Variants in ZFP37 observed in about 807,000 individuals in gnomAD.
ZFP37 encodes the protein ZFP37 zinc finger protein, also known as zinc finger protein 37 homolog.
A neutral mutation model predicts 52.1 loss-of-function variants in ZFP37; 38 were observed. The observed-to-expected ratio is 0.73, with a 90% CI of 0.56 to 0.96. ZFP37 has a LOEUF of 0.96. ZFP37 is among the 40% of genes least tolerant of loss of function. The pLI is 0.00. For synonymous variants in ZFP37, 253 were observed against 259.5 expected (o/e 0.98, Z 0.24); for missense variants, 695 against 741.4 (o/e 0.94, Z 0.73).
chr9:113,053,904 A>G lies in ZFP37; in HGVS notation c.132+2653T>C, dbSNP rs560694966. 2.1e-3 allele frequency among the ~76,000 whole-genome samples: 312 copies of G among 152,152 alleles called. 2 individuals carry two copies. Among genetic ancestry groups the G allele is most frequent in the African/African-American group, 6.8e-3 (284 of 41,524 alleles). On this transcript the variant is annotated intron_variant, in intron 1 of 3. Coordinates refer to ENST00000374227, the MANE Select transcript of ZFP37 (RefSeq NM_003408.3). ...TTTGTAACATCTGTGTCTCCCTTTT[A>G]TTTGGGTCATTCCCATTGACACACA...
intron 3 of ZFP37, among the ~76,000 whole-genome samples, chr9:113,047,884 T>TAA (rs990010493): frequency 6.6e-6 from 1 of 152,186 alleles, no homozygotes; most frequent in African/African-American, 2.4e-5. Flanking sequence ...AATATGAGTA[T>TAA]AAGACAAAGG....
At chr9:113,048,620 G>A (rs1375395742) in intron 3 of ZFP37, among the ~76,000 whole-genome samples, 1 of 152,132 alleles carries the variant, frequency 6.6e-6, no homozygotes, top group Non-Finnish European at 1.5e-5. Flanking sequence ...CTGGTACCAA[G>A]TTTCAGAGCC....
In ZFP37 at chr9:113,049,479, G is replaced by C. The variant is rs1462835465; in HGVS notation, c.232C>G (p.Pro78Ala). Residue 78 changes from proline to alanine, a missense_variant, in exon 3 of 4, where the codon CCA (proline) becomes GCA (alanine). Around this residue, in one of 2 missense-constraint regions of ZFP37, gnomAD observed 369 missense variants for 340.9 expected, o/e 1.08. Coordinates refer to ENST00000374227, the MANE Select transcript of ZFP37 (RefSeq NM_003408.3). Reference protein sequence around the residue: ...QASMGCQAPKPDMISKLEKGE... With the variant: ...QASMGCQAPKADMISKLEKGE... ...TTTTCCAACTTGGAGATCATGTCTG[G>C]TTTGGGAGCTTGACACCCTGCTCAT... 1.2e-6 allele frequency: 2 copies of C among 1,613,438 alleles called. No individual in the cohort carries two copies. The highest frequency in any genetic ancestry group is 1.7e-6 in the Non-Finnish European group (2 of 1,179,650).
chr9:113,056,093 G>T (rs1829138311), intron 1 of ZFP37, among the ~76,000 whole-genome samples: 1 of 148,184 alleles, frequency 6.7e-6, no homozygotes, highest in South Asian at 2.1e-4. Context: ...AGACATCACC[G>T]TCACTGACTC....
rs918202203 is a variant in ZFP37 at position 113,039,020 on chromosome 9, T to C, written c.*3705A>G. ...AAAGAATTATTTGTATCTTCTTAAA[T>C]ATAGTTTGAAATTGTGGTTTTTAAT... On this transcript the variant is annotated 3_prime_UTR_variant, in exon 4 of 4. Transcript: ENST00000374227. 4 of 152,184 alleles carry C rather than the reference T, an allele frequency of 2.6e-5. No homozygotes were observed. The highest frequency in any genetic ancestry group is 2.9e-5 in the Non-Finnish European group (2 of 68,028). The allele number at this position is 152,184 out of a possible 1,614,324, so 9.4% of individuals were successfully genotyped here. A position where few individuals can be genotyped will look rare whatever the true frequency, so the allele number is the denominator to read the frequency against.
Position 113,043,291 on chromosome 9 carries a change from T to C in ZFP37, c.1327A>G (p.Lys443Glu), listed in dbSNP as rs1385236023. 7 of 1,613,876 alleles carry C rather than the reference T, an allele frequency of 4.3e-6. No homozygotes were observed. Among genetic ancestry groups the C allele is most frequent in the Non-Finnish European group, 5.9e-6 (7 of 1,179,966 alleles). Residue 443 changes from lysine to glutamate, a missense_variant, in exon 4 of 4, where the codon AAG becomes GAG. Lys to Glu is a moderately conservative substitution (Grantham distance 56). Coordinates refer to ENST00000374227, the MANE Select transcript of ZFP37 (RefSeq NM_003408.3). ...TGTTTAGTAAGGGATGAGCTATACT[T>C]AAAGGCTTTTCCACATTCATTGCAT... ...YECNECGKAF[K>E]YSSSLTKHMR... is the part of the protein sequence containing the mutation.
intron 1 of ZFP37, among the ~76,000 whole-genome samples, chr9:113,054,382 T>C (rs1414834570): frequency 6.6e-6 from 1 of 152,194 alleles, no homozygotes; most frequent in Non-Finnish European, 1.5e-5. Flanking sequence ...TCCCTGGCTC[T>C]CTTCTCTTCC....
At position 113,044,028 on chromosome 9, in the gene ZFP37, C is replaced by CA. The variant is rs768029393; in HGVS notation, c.589dup (p.Cys197LeufsTer7). The CA allele has an allele frequency of 1.4e-5, 22 of 1,613,928 alleles. No homozygotes were observed. The highest frequency in any genetic ancestry group is 1.8e-5 in the Non-Finnish European group (21 of 1,179,938). ...AGCTGCATCAGATTTCCTTTTTACACAGTTTCTTGAGTGATCAGGTAAATC... is the reference window on the plus strand; with the variant it reads ...AGCTGCATCAGATTTCCTTTTTACACAAGTTTCTTGAGTGATCAGGTAAATC... On this transcript the variant is annotated frameshift_variant, in exon 4 of 4. Coordinates refer to ENST00000374227, the MANE Select transcript of ZFP37 (RefSeq NM_003408.3). LOFTEE classifies it high-confidence loss of function.
In ZFP37 at chr9:113,039,942, T is replaced by C. The variant is rs1206780798; in HGVS notation, c.*2783A>G. The C allele has an allele frequency of 6.6e-6, 1 of 152,210 alleles. No individual in the cohort carries two copies. The highest frequency in any genetic ancestry group is 1.5e-5 in the Non-Finnish European group (1 of 68,038). The allele number at this position is 152,210 out of a possible 1,614,324, so 9.4% of individuals were successfully genotyped here. On this transcript the variant is annotated 3_prime_UTR_variant, in exon 4 of 4. Transcript: ENST00000374227. ...TGGAAACTTATTAAAATGCAAATTC[T>C]CAAGGCCCACCCACAGGGTTTCTGA...
At position 113,052,786 on chromosome 9, in the gene ZFP37, G is replaced by A. The variant is rs573193793; in HGVS notation, c.133-2914C>T. Among the ~76,000 whole-genome samples the A allele has an allele frequency of 1.5e-4, 23 of 152,242 alleles. No individual in the cohort carries two copies. The South Asian group carries it at 1.9e-3, about 12-fold the overall frequency. ...CACACTGTGTATTCTTTAAGCACTC[G>A]GAACTACTCTTAATCAGTTCCAGGA... On this transcript the variant is annotated intron_variant, in intron 1 of 3. Coordinates refer to ENST00000374227, the MANE Select transcript of ZFP37 (RefSeq NM_003408.3). The surrounding 1 kb of genome is among the most constrained non-coding windows in gnomAD (Gnocchi z 4.1).
In ZFP37 at chr9:113,052,269, C is replaced by T. The variant is rs922838626; in HGVS notation, c.133-2397G>A. On this transcript the variant is annotated intron_variant, in intron 1 of 3. Coordinates refer to ENST00000374227, the MANE Select transcript of ZFP37 (RefSeq NM_003408.3). This position sits in a 1 kb window ranked among gnomAD's most constrained non-coding sequence, Gnocchi z 4.1. ...AGAGGAGTGGAGGCTGTCTTTCCTGCACCACCCCTCTCCCTGCCATGACCC... is the reference window on the plus strand; with the variant it reads ...AGAGGAGTGGAGGCTGTCTTTCCTGTACCACCCCTCTCCCTGCCATGACCC... 6.6e-6 allele frequency among the ~76,000 whole-genome samples: 1 copy of T among 152,164 alleles called. No homozygotes were observed. The highest frequency in any genetic ancestry group is 1.5e-5 in the Non-Finnish European group (1 of 68,032).
At chr9:113,049,101 A>T (rs1829010059) in intron 3 of ZFP37, among the ~76,000 whole-genome samples, 2 of 152,206 alleles carry the variant, frequency 1.3e-5, no homozygotes. Flanking sequence ...GATACAGGTG[A>T]TATAACCAAA....
At chr9:113,056,470 ACC>A in intron 1 of ZFP37, 85 bp downstream of exon 1, 1 of 1,553,624 alleles carries the variant, frequency 6.4e-7, no homozygotes, top group Non-Finnish European at 8.7e-7. Flanking sequence ...TTCCCAAATC[ACC>A]TATCGTCACA....
chr9:113,049,766 T>G, intron 2 of ZFP37, 25 bp downstream of exon 2: 1 of 1,609,972 alleles, frequency 6.2e-7, no homozygotes, highest in Non-Finnish European at 8.5e-7. Flanking sequence ...GGACACATTT[T>G]GAATTACAAA....
chr9:113,046,256 CTATA>C (rs143129973), intron 3 of ZFP37, among the ~76,000 whole-genome samples: 3 of 147,162 alleles, frequency 2.0e-5, no homozygotes, highest in South Asian at 2.1e-4. Flanking sequence ...AGATAAATAT[CTATA>C]TATATACAGG....
intron 1 of ZFP37, among the ~76,000 whole-genome samples, chr9:113,053,893 G>C (rs1299196609): frequency 2.6e-5 from 4 of 152,066 alleles, no homozygotes; most frequent in Non-Finnish European, 5.9e-5. Flanking sequence ...TAACATCTGT[G>C]TCTCCCTTTT....
rs1214687482 is a variant in ZFP37 at position 113,038,896 on chromosome 9, G to C, written c.*3829C>G. Reference sequence around the variant, plus strand: ...TATGAGCACATTCTTCTAGAAGGGGGACTTTGTGGAAAATTTTAATTTTCT... The same window carrying C: ...TATGAGCACATTCTTCTAGAAGGGGCACTTTGTGGAAAATTTTAATTTTCT... On this transcript the variant is annotated 3_prime_UTR_variant, in exon 4 of 4. Transcript: ENST00000374227. The C allele has an allele frequency of 6.6e-6, 1 of 152,130 alleles. No individual in the cohort carries two copies. The highest frequency in any genetic ancestry group is 1.5e-5 in the Non-Finnish European group (1 of 68,016). The allele number at this position is 152,130 out of a possible 1,614,324, so 9.4% of individuals were successfully genotyped here. A position where few individuals can be genotyped will look rare whatever the true frequency, so the allele number is the denominator to read the frequency against.
In ZFP37 at chr9:113,039,090, A is replaced by G. The variant is rs1004730682; in HGVS notation, c.*3635T>C. ...GAAGGAATCATGCTTTATTTAATCA[A>G]TTAACTAGCAATGTATATGCTATTT... On this transcript the variant is annotated 3_prime_UTR_variant, in exon 4 of 4. Coordinates refer to ENST00000374227, the MANE Select transcript of ZFP37 (RefSeq NM_003408.3). The G allele has an allele frequency of 3.3e-5, 5 of 152,174 alleles. No homozygotes were observed. Among genetic ancestry groups the G allele is most frequent in the African/African-American group, 1.2e-4 (5 of 41,446 alleles). The allele number at this position is 152,174 out of a possible 1,614,324, so 9.4% of individuals were successfully genotyped here. A position where few individuals can be genotyped will look rare whatever the true frequency, so the allele number is the denominator to read the frequency against.
chr9:113,056,462 C>T lies in ZFP37; in HGVS notation c.132+95G>A, dbSNP rs1829145504. On this transcript the variant is annotated intron_variant, in intron 1 of 3. Coordinates refer to ENST00000374227, the MANE Select transcript of ZFP37 (RefSeq NM_003408.3). ...CCATCTAGCATCGATTCCACCAATTCCCAAATCACCTATCGTCACAGACTA... is the reference window on the plus strand; with the variant it reads ...CCATCTAGCATCGATTCCACCAATTTCCAAATCACCTATCGTCACAGACTA... 2.6e-6 allele frequency: 4 copies of T among 1,546,458 alleles called. No homozygotes were observed. In the African/African-American group the frequency reaches 5.4e-5, roughly 21 times the overall value.
Sources: gnomAD v4.1 joint callset for allele counts (sites outside exome capture counted in the v4.1 genomes callset) on GRCh38, gnomAD v4.1.1 for gene constraint, gnomAD v4.1.1 regional missense constraint, Gnocchi (gnomAD v3.1) non-coding constraint, MANE v1.5 for transcripts, NCBI Gene and HGNC (gene_info 2026-07-23, HGNC 2026-07-21) for gene names.